NFILZ: variants seen among roughly 807,000 people sequenced by gnomAD.
NFILZ encodes NFIL3 like protein.
chr19:8,634,782 AG>A (rs2146134160), intron 2 of NFILZ, among the ~76,000 whole-genome samples: 1 of 152,256 alleles, frequency 6.6e-6, no homozygotes, highest in South Asian at 2.1e-4. Context: ...TGGGAGGCTA[AG>A]GTGGGAGGAT....
chr19:8,659,947 C>T (rs1473337909), intron 3 of NFILZ, among the ~76,000 whole-genome samples: 6 of 152,182 alleles, frequency 3.9e-5, no homozygotes, highest in African/African-American at 1.4e-4. Flanking sequence ...ACACTTCTTT[C>T]AGTGAACTCC....
intron 3 of NFILZ, among the ~76,000 whole-genome samples, chr19:8,639,975 A>C (rs978226580): frequency 6.6e-6 from 1 of 152,138 alleles, no homozygotes; most frequent in Non-Finnish European, 1.5e-5. Context: ...GCTCTTTTGT[A>C]TAACAGATGT....
chr19:8,650,161 G>GT (rs1184347591), intron 3 of NFILZ, among the ~76,000 whole-genome samples: 314 of 144,854 alleles, frequency 2.2e-3, no homozygotes, highest in Middle Eastern at 3.6e-3. Context: ...TACAGCTGAG[G>GT]TTTTTTTTTT....
intron 3 of NFILZ, among the ~76,000 whole-genome samples, 62 bp from the exon 4 acceptor site, chr19:8,674,489 T>G (rs2043102230): frequency 6.6e-6 from 1 of 151,788 alleles, no homozygotes; most frequent in South Asian, 2.1e-4. Context: ...AAGCATTTCT[T>G]GGGCAAATAA....
intron 3 of NFILZ, among the ~76,000 whole-genome samples, chr19:8,644,199 C>G (rs2042929882): frequency 6.6e-6 from 1 of 152,118 alleles, no homozygotes; most frequent in Non-Finnish European, 1.5e-5. Flanking sequence ...CTCCTGGGTT[C>G]AGATGACTCT....
At chr19:8,663,742 G>GTGTGTGTGTATGTGTGTGTATGTGTGTA (rs2043046240) in intron 3 of NFILZ, among the ~76,000 whole-genome samples, 3 of 83,908 alleles carry the variant, frequency 3.6e-5, no homozygotes, top group African/African-American at 6.5e-5. Context: ...GTGTGTGTGT[G>GTGTGTGTGTATGTGTGTGTATGTGTGTA]TGTGTGTGTG....
intron 3 of NFILZ, among the ~76,000 whole-genome samples, chr19:8,644,128 T>C (rs1344744234): frequency 6.6e-6 from 1 of 152,034 alleles, no homozygotes; most frequent in Non-Finnish European, 1.5e-5. Context: ...TGAGATGGAG[T>C]CCTGCTCTGT....
In NFILZ at chr19:8,678,146, T is replaced by TGTCC. The variant is rs782314104; in HGVS notation, c.*516_*519dup. ...CCATCCCTCCATCCATTCATCCACT[T>TGTCC]GTCCGTCCATCCATCCATCCATCCA... is the stretch of plus-strand genomic sequence containing the variant. On this transcript the variant is annotated 3_prime_UTR_variant, in exon 6 of 6. Coordinates refer to ENST00000691075, the MANE Select transcript of NFILZ (RefSeq NM_001378600.1). Among the ~76,000 whole-genome samples the TGTCC allele has an allele frequency of 8.6e-4, 7 of 8,148 alleles. No homozygotes were observed. In the Admixed American group the frequency reaches 0.01, roughly 12 times the overall value. The allele number at this position is 8,148 out of a possible 152,430, so 5.3% of individuals were successfully genotyped here.
chr19:8,648,658 A>G (rs1238958390), intron 3 of NFILZ, among the ~76,000 whole-genome samples: 1 of 152,012 alleles, frequency 6.6e-6, no homozygotes, highest in East Asian at 1.9e-4. Flanking sequence ...TCTCTGTTAA[A>G]AATACAAACA....
chr19:8,648,013 A>G (rs1230989213), intron 3 of NFILZ, among the ~76,000 whole-genome samples: 1 of 151,662 alleles, frequency 6.6e-6, no homozygotes, highest in Non-Finnish European at 1.5e-5. Flanking sequence ...TCTACTAAAA[A>G]TACAAAAAAA....
intron 3 of NFILZ, among the ~76,000 whole-genome samples, chr19:8,653,007 C>CTTTCTTTCTTTCTTT (rs1568420430): frequency 3.2e-4 from 15 of 46,706 alleles, no homozygotes; most frequent in African/African-American, 1.1e-3. Flanking sequence ...TTCCTTCCTT[C>CTTTCTTTCTTTCTTT]CTTCCTTTCT....
intron 3 of NFILZ, among the ~76,000 whole-genome samples, chr19:8,653,959 T>C (rs2042980613): frequency 6.6e-6 from 1 of 152,230 alleles, no homozygotes; most frequent in African/African-American, 2.4e-5. Context: ...CCAGGCGTGG[T>C]GGCTTACACT....
intron 3 of NFILZ, among the ~76,000 whole-genome samples, chr19:8,660,144 C>T (rs574294614): frequency 2.6e-5 from 4 of 152,284 alleles, no homozygotes; most frequent in East Asian, 1.9e-4. Flanking sequence ...CCCTGGGCTC[C>T]GGCTGCCCAG....
chr19:8,676,053 C>T (rs1453013623), intron 4 of NFILZ, among the ~76,000 whole-genome samples: 3 of 151,996 alleles, frequency 2.0e-5, no homozygotes, highest in Non-Finnish European at 4.4e-5. Context: ...TGGAGAGTTG[C>T]ACAATGAAAT....
At chr19:8,663,500 G>T (rs1280185785) in intron 3 of NFILZ, among the ~76,000 whole-genome samples, 2 of 148,650 alleles carry the variant, frequency 1.3e-5, no homozygotes, top group African/African-American at 5.1e-5. Context: ...GACGCTGGTG[G>T]TGGGGAGGGG....
At chr19:8,656,421 T>TTCTCCCTGAAGCCCAC (rs2042999925) in intron 3 of NFILZ, among the ~76,000 whole-genome samples, 1 of 93,370 alleles carries the variant, frequency 1.1e-5, no homozygotes, top group African/African-American at 3.8e-5. Context: ...GAAACCCACC[T>TTCTCCCTGAAGCCCAC]CTTTCCGCAG....
chr19:8,671,384 G>C (rs1481169571), intron 3 of NFILZ, among the ~76,000 whole-genome samples: 2 of 151,950 alleles, frequency 1.3e-5, no homozygotes, highest in African/African-American at 2.4e-5. Context: ...ATCTCCCTCT[G>C]GGTTCCTGTG....
intron 3 of NFILZ, among the ~76,000 whole-genome samples, chr19:8,647,693 C>G (rs1555747226): frequency 6.6e-6 from 1 of 151,448 alleles, no homozygotes; most frequent in African/African-American, 2.4e-5. Flanking sequence ...GCTGCATGTT[C>G]TCACTTATAA....
chr19:8,656,415 CCCACCTCTT>C (rs2146154184), intron 3 of NFILZ, among the ~76,000 whole-genome samples: 1 of 103,342 alleles, frequency 9.7e-6, no homozygotes, highest in African/African-American at 3.4e-5. Context: ...CTCTCTGAAA[CCCACCTCTT>C]TCCGCAGCCC....
Sources: gnomAD v4.1 joint callset for allele counts (sites outside exome capture counted in the v4.1 genomes callset) on GRCh38, gnomAD v4.1.1 for gene constraint, MANE v1.5 for transcripts, NCBI Gene and HGNC (gene_info 2026-07-23, HGNC 2026-07-21) for gene names.